Variants in ERG observed in about 807,000 individuals in gnomAD.
ERG encodes the protein ETS transcription factor ERG.
Under a neutral mutation model 55.3 loss-of-function variants are expected in ERG, and 9 were observed. The ratio of observed to expected loss-of-function variants is 0.16; its 90% CI spans 0.10 to 0.28. The LOEUF is 0.28. Ranked by LOEUF, ERG falls within the 10% of genes least tolerant of loss-of-function variation. The pLI is 1.00. For missense variants in ERG, 434 were observed against 631.6 expected, an observed-to-expected ratio of 0.69 and a Z score of 3.35; for synonymous variants, 223 against 237.3, an observed-to-expected ratio of 0.94 and a Z score of 0.55.
chr21:38,496,880 C>T (rs571307568), intron 1 of ERG, among the ~76,000 whole-genome samples: 1 of 152,186 alleles, frequency 6.6e-6, no homozygotes, highest in South Asian at 2.1e-4. Flanking sequence ...TAAGATCGTA[C>T]CCAAGCTATT....
intron 3 of ERG, among the ~76,000 whole-genome samples, chr21:38,406,552 C>G (rs1006552773): frequency 2.6e-5 from 4 of 152,120 alleles, no homozygotes; most frequent in Admixed American, 2.6e-4. Context: ...AGAGAGAAGA[C>G]CCCCCATCCT....
At chr21:38,570,793 C>T (rs1169068775) in intron 2 of ERG, among the ~76,000 whole-genome samples, 1 of 152,162 alleles carries the variant, frequency 6.6e-6, no homozygotes, top group Non-Finnish European at 1.5e-5. Context: ...ATTTTCATGA[C>T]TAGCATCTCT....
chr21:38,420,186 G>A (rs1019427592), intron 3 of ERG, among the ~76,000 whole-genome samples: 1 of 152,154 alleles, frequency 6.6e-6, no homozygotes, highest in Admixed American at 6.5e-5. Context: ...CCTTAGTGAG[G>A]TGCCTGGATA....
chr21:38,470,257 CTAT>C (rs147294234), intron 1 of ERG, among the ~76,000 whole-genome samples: 109,395 of 150,546 alleles, frequency 0.73, 40,093 homozygotes, highest in South Asian at 0.77. Context: ...TGAGTGTTTT[CTAT>C]TATTATTATT....
At chr21:38,385,665 T>C (rs1171043582) in intron 9 of ERG, among the ~76,000 whole-genome samples, 1 of 152,252 alleles carries the variant, frequency 6.6e-6, no homozygotes, top group African/African-American at 2.4e-5. Context: ...AGCTTGTAGC[T>C]CATTGAAGTG....
intron 1 of ERG, among the ~76,000 whole-genome samples, chr21:38,480,410 A>T (rs1472967819): frequency 6.6e-6 from 1 of 152,046 alleles, no homozygotes; most frequent in Non-Finnish European, 1.5e-5. Flanking sequence ...TCCAGAAGGG[A>T]CCAACCCAGC....
intron 2 of ERG, among the ~76,000 whole-genome samples, chr21:38,507,998 T>G (rs933254883): frequency 7.2e-3 from 10 of 1,392 alleles, no homozygotes; most frequent in Admixed American, 0.022. Context: ...CACACACACA[T>G]GCACACACAC....
chr21:38,468,982 C>CAAAAAAAAAAAAAAAAAAAAAAA (rs1261630693), intron 1 of ERG, among the ~76,000 whole-genome samples: 2 of 29,040 alleles, frequency 6.9e-5, no homozygotes, highest in Non-Finnish European at 1.3e-4. Flanking sequence ...GACTCTGTCT[C>CAAAAAAAAAAAAAAAAAAAAAAA]AAAAAAAAAA....
chr21:38,527,618 A>T (rs2059639536), intron 2 of ERG, among the ~76,000 whole-genome samples: 1 of 152,052 alleles, frequency 6.6e-6, no homozygotes, highest in Non-Finnish European at 1.5e-5. Flanking sequence ...TCAGGCATGG[A>T]GCCCCACCCC....
intron 1 of ERG, among the ~76,000 whole-genome samples, chr21:38,607,667 C>A (rs967316516): frequency 6.6e-6 from 1 of 151,894 alleles, no homozygotes; most frequent in African/African-American, 2.4e-5. Context: ...TAAACAAAGA[C>A]AATTATGAGT....
intron 2 of ERG, among the ~76,000 whole-genome samples, chr21:38,434,009 C>A (rs1990347034): frequency 6.6e-6 from 1 of 152,142 alleles, no homozygotes; most frequent in Non-Finnish European, 1.5e-5. Flanking sequence ...CCAAAGCTTT[C>A]TCCCTCCTGC....
At chr21:38,467,730 A>G (rs2059103417) in intron 1 of ERG, among the ~76,000 whole-genome samples, 4 of 152,240 alleles carry the variant, frequency 2.6e-5, no homozygotes, top group African/African-American at 9.6e-5. Context: ...TCCACTCAGC[A>G]GAAAGGCCAT....
At chr21:38,475,106 G>A (rs1293678405) in intron 1 of ERG, among the ~76,000 whole-genome samples, 4 of 152,198 alleles carry the variant, frequency 2.6e-5, no homozygotes, top group South Asian at 2.1e-4. Flanking sequence ...GTTCCAAAGC[G>A]CATGCCCATA....
At chr21:38,401,911 T>C (rs1988513663) in intron 5 of ERG, among the ~76,000 whole-genome samples, 1 of 152,150 alleles carries the variant, frequency 6.6e-6, no homozygotes, top group South Asian at 2.1e-4. Flanking sequence ...AATACATAAC[T>C]AAGTCAAATG....
chr21:38,438,264 A>C (rs2058809251), intron 2 of ERG, among the ~76,000 whole-genome samples: 1 of 152,080 alleles, frequency 6.6e-6, no homozygotes, highest in Admixed American at 6.5e-5. Context: ...TTTTCTCCTT[A>C]GCATTTACCA....
At chr21:38,433,494 G>A (rs1990315174) in intron 2 of ERG, among the ~76,000 whole-genome samples, 1 of 152,160 alleles carries the variant, frequency 6.6e-6, no homozygotes, top group African/African-American at 2.4e-5. Context: ...TGTAAAATTT[G>A]GTCTTTAGTC....
chr21:38,612,805 A>G (rs890242377), intron 1 of ERG, among the ~76,000 whole-genome samples: 1 of 151,978 alleles, frequency 6.6e-6, no homozygotes, highest in South Asian at 2.1e-4. Flanking sequence ...CTGGGACTAC[A>G]GGCGCCTGCC....
intron 1 of ERG, among the ~76,000 whole-genome samples, chr21:38,645,364 T>C (rs1051447017): frequency 3.3e-5 from 5 of 151,752 alleles, no homozygotes; most frequent in African/African-American, 1.2e-4. Flanking sequence ...TACATAAGAG[T>C]GTAGGCATAC....
chr21:38,484,866 T>G (rs1296461531), intron 1 of ERG, among the ~76,000 whole-genome samples: 1 of 152,192 alleles, frequency 6.6e-6, no homozygotes, highest in African/African-American at 2.4e-5. Context: ...CCTACTGTGT[T>G]GCCAGTTGTA....
Sources: allele counts gnomAD v4.1 joint callset (sites outside exome capture counted in the v4.1 genomes callset), GRCh38; gene constraint gnomAD v4.1.1; transcripts MANE v1.5; gene names NCBI Gene and HGNC (gene_info 2026-07-23, HGNC 2026-07-21).